Variants in POGZ observed in about 807,000 individuals in gnomAD.
The protein encoded by POGZ is pogo transposable element with ZNF domain.
A neutral mutation model predicts 134.6 loss-of-function variants in POGZ; 17 were observed. That is an observed-to-expected ratio of 0.13 (90% CI 0.09 to 0.19). The LOEUF is 0.19. POGZ is among the 10% of genes least tolerant of loss of function. The pLI is 1.00. For synonymous variants in POGZ, 693 were observed against 657.1 expected (o/e 1.05, Z -0.84); for missense variants, 1,306 against 1,769.7 (o/e 0.74, Z 4.70).
chr1:151,448,235 T>G (rs1049547424), intron 1 of POGZ, among the ~76,000 whole-genome samples: 2 of 152,180 alleles, frequency 1.3e-5, no homozygotes, highest in African/African-American at 2.4e-5. Flanking sequence ...AGTAAACCAC[T>G]CATTACTTCC....
chr1:151,429,569 A>G lies in POGZ; in HGVS notation c.568+34T>C, dbSNP rs6587577. 873,943 of 1,073,992 alleles carry G rather than the reference A, an allele frequency of 0.81. 357,068 individuals carry two copies. Among genetic ancestry groups the G allele is most frequent in the Non-Finnish European group, 0.83 (580,179 of 698,074 alleles). 66.5% of individuals were successfully genotyped at this position (1,073,992 alleles called of 1,614,324 possible). A position where few individuals can be genotyped will look rare whatever the true frequency, so the allele number is the denominator to read the frequency against. On this transcript the variant is annotated intron_variant, in intron 5 of 18. Coordinates refer to ENST00000271715, the MANE Select transcript of POGZ (RefSeq NM_015100.4). ...AATAAAAACAAATCTTCTGGATGCC[A>G]GTTTATTCCAAATGGATAGACATTT...
intron 1 of POGZ, among the ~76,000 whole-genome samples, chr1:151,457,819 A>G (rs1355775424): frequency 6.6e-6 from 1 of 151,892 alleles, no homozygotes; most frequent in Non-Finnish European, 1.5e-5. Context: ...CCCAGCTACT[A>G]GGAAGGCTGA....
At position 151,447,306 on chromosome 1, in the gene POGZ, A is replaced by C. The variant is rs188161576; in HGVS notation, c.-1-5101T>G. ...AGAATTGCTTGAACCCAGGAGGCGG[A>C]GGTTGCAGTGAACCGAGATTGTGCC... On this transcript the variant is annotated intron_variant, in intron 1 of 18. Transcript: ENST00000271715. 2.8e-3 allele frequency among the ~76,000 whole-genome samples: 433 copies of C among 152,112 alleles called. 4 individuals carry two copies. Among genetic ancestry groups the C allele is most frequent in the African/African-American group, 9.7e-3 (401 of 41,518 alleles).
intron 15 of POGZ, 32 bp downstream of exon 15, chr1:151,408,068 C>T (rs1654001957): frequency 6.7e-7 from 1 of 1,501,920 alleles, no homozygotes; most frequent in Non-Finnish European, 9.0e-7. Flanking sequence ...TCTGAACTCT[C>T]AAGCTAAAAC....
rs764286548 is a variant in POGZ, at chr1:151,427,803, A to G, written c.1078+20T>C. 4 of 1,501,218 alleles carry G rather than the reference A, an allele frequency of 2.7e-6. No individual in the cohort carries two copies. The highest frequency in any genetic ancestry group is 3.7e-6 in the Non-Finnish European group (4 of 1,077,716). 93.0% of individuals were successfully genotyped at this position (1,501,218 alleles called of 1,614,324 possible). ...TGTTTTTGAATGACTGGCTGCTCAG[A>G]GTCTTTCAGGTTATTGTACCTTTCA... On this transcript the variant is annotated intron_variant, in intron 7 of 18. Transcript: ENST00000271715.
intron 1 of POGZ, among the ~76,000 whole-genome samples, chr1:151,452,097 C>CA (rs574531921): frequency 0.017 from 980 of 58,098 alleles, 20 homozygotes; most frequent in Non-Finnish European, 0.021. Context: ...GACTCCGTCT[C>CA]AAAAAAAAAA....
At chr1:151,443,729 T>A (rs750425199) in intron 1 of POGZ, among the ~76,000 whole-genome samples, 1 of 151,932 alleles carries the variant, frequency 6.6e-6, no homozygotes, top group Non-Finnish European at 1.5e-5. Context: ...AAAATAAAAA[T>A]AAATAAAAAC....
chr1:151,418,463 G>GA (rs2102237764), intron 10 of POGZ, among the ~76,000 whole-genome samples: 1 of 152,266 alleles, frequency 6.6e-6, no homozygotes, highest in East Asian at 1.9e-4. Flanking sequence ...GAGTTGAAGA[G>GA]AAGCTGATCA....
Position 151,459,370 on chromosome 1 carries a change from G to C in POGZ, c.-220C>G, listed in dbSNP as rs1341434330. The C allele has an allele frequency of 6.7e-6, 1 of 149,522 alleles. No individual in the cohort carries two copies. The highest frequency in any genetic ancestry group is 1.5e-5 in the Non-Finnish European group (1 of 67,782). The allele number at this position is 149,522 out of a possible 1,614,324, so 9.3% of individuals were successfully genotyped here. A position where few individuals can be genotyped will look rare whatever the true frequency, so the allele number is the denominator to read the frequency against. On this transcript the variant is annotated 5_prime_UTR_variant, in exon 1 of 19. Coordinates refer to ENST00000271715, the MANE Select transcript of POGZ (RefSeq NM_015100.4). ...TCGGGGTGGATTTTTTTCCCGAGGG[G>C]GGCGGGGGGGCCCCGAGGGAGGGGG...
rs1571327878 is a variant in POGZ at position 151,406,361 on chromosome 1, C to G, written c.2674G>C (p.Ala892Pro). 1.3e-6 allele frequency: 2 copies of G among 1,593,202 alleles called. No homozygotes were observed. Among genetic ancestry groups the G allele is most frequent in the Non-Finnish European group, 1.7e-6 (2 of 1,170,330 alleles). The change falls in exon 19 of 19, where the codon GCC (alanine) becomes CCC (proline). Residue 892 changes from alanine (A) to proline (P), a missense_variant. By Grantham distance (27) the Ala-to-Pro change is conservative. Transcript: ENST00000271715. The part of the protein sequence containing the change: ...NKAATVKSAG[A>P]TPAEPEELLT... ...AGCTCTTCAGGCTCAGCTGGGGTGG[C>G]CCCCGCAGATTTCACAGTGGCAGCT...
intron 3 of POGZ, among the ~76,000 whole-genome samples, chr1:151,437,117 T>C (rs1481358416): frequency 2.6e-5 from 4 of 151,998 alleles, no homozygotes; most frequent in African/African-American, 7.2e-5. Context: ...TCATTTGAAC[T>C]TGGGAGGCAG....
At chr1:151,447,899 G>A (rs1325276664) in intron 1 of POGZ, among the ~76,000 whole-genome samples, 2 of 151,936 alleles carry the variant, frequency 1.3e-5, no homozygotes, top group Non-Finnish European at 2.9e-5. Flanking sequence ...CACAACCCTA[G>A]CATCGTTTGA....
chr1:151,436,707 T>A (rs1048010693), intron 3 of POGZ, among the ~76,000 whole-genome samples: 1 of 152,244 alleles, frequency 6.6e-6, no homozygotes, highest in Non-Finnish European at 1.5e-5. Context: ...GGGCAAATAA[T>A]ATTCCATTGT....
Position 151,403,784 on chromosome 1 carries a change from T to A in POGZ, c.*1018A>T, listed in dbSNP as rs1447649660. On this transcript the variant is annotated 3_prime_UTR_variant, in exon 19 of 19. Transcript: ENST00000271715. ...CAACACTTCTTGAACAATTAGCTCC[T>A]GGCTGTAGGACCAGTAATCCCTTAA... 4 of 985,486 alleles carry A rather than the reference T, an allele frequency of 4.1e-6. No individual in the cohort carries two copies. In the African/African-American group the frequency reaches 7.0e-5, roughly 17 times the overall value. The allele number at this position is 985,486 out of a possible 1,614,324, so 61.0% of individuals were successfully genotyped here.
At chr1:151,429,758 C>T in intron 4 of POGZ, 47 bp from the exon 5 acceptor site, 1 of 1,103,384 alleles carries the variant, frequency 9.1e-7, no homozygotes, top group South Asian at 1.3e-5. Flanking sequence ...CCAATTAACA[C>T]TGACAAAGAT....
intron 1 of POGZ, among the ~76,000 whole-genome samples, chr1:151,450,488 G>A (rs1276926621): frequency 1.3e-5 from 2 of 152,110 alleles, no homozygotes; most frequent in Non-Finnish European, 2.9e-5. Flanking sequence ...AAGTAGCTGG[G>A]ACTACAGGCA....
chr1:151,409,637 C>T (rs546881723), intron 12 of POGZ, among the ~76,000 whole-genome samples: 38 of 152,186 alleles, frequency 2.5e-4, no homozygotes, highest in South Asian at 1.4e-3. Context: ...GTGCCTGGCC[C>T]TTACTTTTTT....
At chr1:151,441,821 G>A (rs914178249) in intron 2 of POGZ, among the ~76,000 whole-genome samples, 1 of 152,192 alleles carries the variant, frequency 6.6e-6, no homozygotes, top group Non-Finnish European at 1.5e-5. Flanking sequence ...TTAGTAAGAA[G>A]ACTGCTAGAT....
chr1:151,459,444 G>A lies in POGZ; in HGVS notation c.-294C>T, dbSNP rs1029570001. On this transcript the variant is annotated 5_prime_UTR_variant, in exon 1 of 19. Coordinates refer to ENST00000271715, the MANE Select transcript of POGZ (RefSeq NM_015100.4). ...TCCGTGTACGGGAGCTGGCGCGGGG[G>A]AGAGAGACGCCGACTCCCCCCACCG... is the stretch of plus-strand genomic sequence containing the variant. The A allele has an allele frequency of 6.6e-6, 1 of 151,994 alleles. No homozygotes were observed. Among genetic ancestry groups the A allele is most frequent in the African/African-American group, 2.4e-5 (1 of 41,390 alleles). 9.4% of individuals were successfully genotyped at this position (151,994 alleles called of 1,614,324 possible).
Sources: allele counts gnomAD v4.1 joint callset (sites outside exome capture counted in the v4.1 genomes callset), GRCh38; gene constraint gnomAD v4.1.1; transcripts MANE v1.5; gene names NCBI Gene and HGNC (gene_info 2026-07-23, HGNC 2026-07-21).